ELF2: variants seen among roughly 807,000 people sequenced by gnomAD.
ELF2 encodes the protein ETS-related transcription factor Elf-2.
ELF2 carries 11 observed loss-of-function variants against 54.8 expected under a neutral mutation model. The ratio of observed to expected loss-of-function variants is 0.20; its 90% CI spans 0.13 to 0.33. The LOEUF is 0.33. ELF2 is among the 10% of genes least tolerant of loss of function. The pLI is 1.00. For synonymous variants in ELF2, 203 were observed against 245.1 expected, an observed-to-expected ratio of 0.83 and a Z score of 1.61; for missense variants, 513 against 703.0, an observed-to-expected ratio of 0.73 and a Z score of 3.06.
chr4:139,106,472 T>A (rs1312320497), intron 4 of ELF2, among the ~76,000 whole-genome samples: 1 of 152,174 alleles, frequency 6.6e-6, no homozygotes, highest in Non-Finnish European at 1.5e-5. Context: ...AATTTAGCTC[T>A]TTCGTTTTAA....
At chr4:139,125,518 G>GT (rs1736829044) in intron 3 of ELF2, among the ~76,000 whole-genome samples, 189 bp from the exon 4 acceptor site, 1 of 152,078 alleles carries the variant, frequency 6.6e-6, no homozygotes, top group Admixed American at 6.6e-5. Context: ...GTCTCAAGAG[G>GT]TAAGACATAG....
intron 1 of ELF2, among the ~76,000 whole-genome samples, chr4:139,176,706 G>A (rs1742984484): frequency 6.7e-6 from 1 of 149,374 alleles, no homozygotes; most frequent in Admixed American, 6.6e-5. Context: ...CGCGCTCCCC[G>A]CGGGCAGGCG....
intron 1 of ELF2, among the ~76,000 whole-genome samples, chr4:139,159,872 C>A (rs1740928384): frequency 6.6e-6 from 1 of 152,010 alleles, no homozygotes; most frequent in Non-Finnish European, 1.5e-5. Flanking sequence ...GCCCATATAA[C>A]AGCATGGTGG....
chr4:139,102,710 G>A (rs1279534032), intron 4 of ELF2, among the ~76,000 whole-genome samples: 5 of 150,696 alleles, frequency 3.3e-5, no homozygotes, highest in African/African-American at 7.3e-5. Context: ...GCGTGGTGGC[G>A]GGCACCTGTA....
chr4:139,092,959 T>C (rs1041460242), intron 4 of ELF2, among the ~76,000 whole-genome samples: 1 of 150,960 alleles, frequency 6.6e-6, no homozygotes, highest in Non-Finnish European at 1.5e-5. Flanking sequence ...AATAGAATAG[T>C]AAATAATTTT....
chr4:139,177,165 A>T lies in ELF2; in HGVS notation c.-450T>A, dbSNP rs1743043580. 1 of 146,036 alleles carries T rather than the reference A, an allele frequency of 6.8e-6. No individual in the cohort carries two copies. The highest frequency in any genetic ancestry group is 2.2e-4 in the South Asian group (1 of 4,480). 9.0% of individuals were successfully genotyped at this position (146,036 alleles called of 1,614,324 possible). A position where few individuals can be genotyped will look rare whatever the true frequency, so the allele number is the denominator to read the frequency against. On this transcript the variant is annotated 5_prime_UTR_variant, in exon 1 of 10. Coordinates refer to ENST00000686138, the MANE Select transcript of ELF2 (RefSeq NM_001331036.3). Reference sequence around the variant, plus strand: ...GACCCCCGCCCGCGCCGCCCCACCGACCCCCAACCGCCTAGGCGACGGCGG... The same window carrying T: ...GACCCCCGCCCGCGCCGCCCCACCGTCCCCCAACCGCCTAGGCGACGGCGG...
intron 1 of ELF2, among the ~76,000 whole-genome samples, chr4:139,176,092 T>C (rs1054008369): frequency 1.3e-5 from 2 of 152,160 alleles, no homozygotes; most frequent in African/African-American, 4.8e-5. Flanking sequence ...CTCCCTGTCC[T>C]CCTTCCGCGC....
chr4:139,114,634 T>TC (rs1553963906), intron 4 of ELF2, among the ~76,000 whole-genome samples: 56 of 70,242 alleles, frequency 8.0e-4, no homozygotes, highest in Non-Finnish European at 1.4e-3. Flanking sequence ...TGGATTTTTT[T>TC]TTTCTTTCTT....
intron 4 of ELF2, chr4:139,102,477 T>A (rs895608124): frequency 2.1e-5 from 3 of 146,194 alleles, no homozygotes; most frequent in South Asian, 4.4e-4. Flanking sequence ...GAGGCGGAGG[T>A]TGCAGTGAGC....
intron 4 of ELF2, among the ~76,000 whole-genome samples, chr4:139,094,362 C>T (rs1733013628): frequency 1.3e-5 from 2 of 152,210 alleles, no homozygotes; most frequent in South Asian, 4.2e-4. Context: ...CATAACCAGC[C>T]CGTAAGTCTG....
intron 1 of ELF2, among the ~76,000 whole-genome samples, chr4:139,145,206 A>G (rs1270983638): frequency 3.3e-5 from 5 of 152,262 alleles, no homozygotes; most frequent in Non-Finnish European, 7.3e-5. Flanking sequence ...GTCTGTCCAC[A>G]TGACCAGTTT....
At chr4:139,149,299 G>C (rs1216455721) in intron 1 of ELF2, among the ~76,000 whole-genome samples, 1 of 152,198 alleles carries the variant, frequency 6.6e-6, no homozygotes, top group African/African-American at 2.4e-5. Flanking sequence ...GCCAGCAACA[G>C]AGTATAATTT....
At chr4:139,102,755 T>C (rs1734030488) in intron 4 of ELF2, among the ~76,000 whole-genome samples, 1 of 151,856 alleles carries the variant, frequency 6.6e-6, no homozygotes, top group Non-Finnish European at 1.5e-5. Context: ...GCAGCAGAAT[T>C]GCTTGAACCC....
At chr4:139,107,847 A>C (rs533259200) in intron 4 of ELF2, among the ~76,000 whole-genome samples, 7 of 152,326 alleles carry the variant, frequency 4.6e-5, no homozygotes, top group African/African-American at 1.7e-4. Context: ...TAAATACCGG[A>C]AAGATCAAGA....
chr4:139,092,877 CTGAA>C (rs1397503102), intron 4 of ELF2, among the ~76,000 whole-genome samples: 1 of 151,728 alleles, frequency 6.6e-6, no homozygotes, highest in Non-Finnish European at 1.5e-5. Flanking sequence ...AAGCTGACAT[CTGAA>C]TGAAACATAT....
chr4:139,113,819 C>T (rs1201023532), intron 4 of ELF2, among the ~76,000 whole-genome samples: 1 of 150,762 alleles, frequency 6.6e-6, no homozygotes, highest in Non-Finnish European at 1.5e-5. Flanking sequence ...TGCGCCACTA[C>T]ACTCCAGCCT....
intron 4 of ELF2, among the ~76,000 whole-genome samples, chr4:139,112,693 A>T (rs1450337129): frequency 2.6e-5 from 4 of 152,184 alleles, no homozygotes; most frequent in Admixed American, 2.0e-4. Flanking sequence ...ACACTGTTGT[A>T]TAGCAAAAAT....
At chr4:139,072,109 T>C (rs1729600461) in intron 5 of ELF2, 70 bp from the exon 6 acceptor site, 11 of 1,469,134 alleles carry the variant, frequency 7.5e-6, no homozygotes, top group Non-Finnish European at 1.0e-5. Context: ...CAGTTCAATA[T>C]TTAGAAGAGG....
intron 1 of ELF2, among the ~76,000 whole-genome samples, chr4:139,160,010 G>T (rs530233879): frequency 6.6e-6 from 1 of 152,180 alleles, no homozygotes; most frequent in Non-Finnish European, 1.5e-5. Flanking sequence ...GGGGCGGAGC[G>T]GTAGCCTCAA....
Sources: gnomAD v4.1 joint callset for allele counts (sites outside exome capture counted in the v4.1 genomes callset) on GRCh38, gnomAD v4.1.1 for gene constraint, MANE v1.5 for transcripts, NCBI Gene and HGNC (gene_info 2026-07-23, HGNC 2026-07-21) for gene names.